Variants in HEPH observed in about 807,000 individuals in gnomAD.
The protein encoded by HEPH is hephaestin.
HEPH carries 69 observed loss-of-function variants against 80.8 expected under a neutral mutation model. That is an observed-to-expected ratio of 0.85 (90% CI 0.70 to 1.04). HEPH has a LOEUF of 1.04. Among genes scored for constraint, HEPH ranks in the 50% least tolerant of loss-of-function variants. The pLI, the probability that HEPH is intolerant of heterozygous loss-of-function variation, is 0.00. For synonymous variants in HEPH, 431 were observed against 322.8 expected (o/e 1.34, Z -3.60); for missense variants, 1,115 against 891.3 (o/e 1.25, Z -3.20).
intron 11 of HEPH, 24 bp downstream of exon 11, chrX:66,199,052 G>C (rs1433457186): frequency 8.4e-7 from 1 of 1,190,136 alleles, no homozygotes; most frequent in Non-Finnish European, 1.1e-6. Flanking sequence ...TTTTGCCCTG[G>C]GCTAAATTGA....
intron 15 of HEPH, among the ~76,000 whole-genome samples, chrX:66,252,470 C>T (rs1195400676): frequency 9.0e-6 from 1 of 111,048 alleles, no homozygotes; most frequent in Non-Finnish European, 1.9e-5. Flanking sequence ...TTTGCAGAAC[C>T]AGAAAGAGTA....
At chrX:66,216,739 G>T (rs1238711276) in intron 15 of HEPH, among the ~76,000 whole-genome samples, 1 of 111,735 alleles carries the variant, frequency 8.9e-6, no homozygotes, top group African/African-American at 3.3e-5. Flanking sequence ...ATGGCCAGAA[G>T]AAAAAATCAG....
Position 66,164,480 on chromosome X carries a change from C to T in HEPH, c.-14+10C>T, listed in dbSNP as rs2086277409. The T allele has an allele frequency of 1.3e-6, 1 of 750,768 alleles. No individual in the cohort carries two copies. The highest frequency in any genetic ancestry group is 1.6e-6 in the Non-Finnish European group (1 of 637,548). 61.9% of individuals were successfully genotyped at this position (750,768 alleles called of 1,213,427 possible). On this transcript the variant is annotated intron_variant, in intron 1 of 20. Transcript: ENST00000343002. ...GTTTTCTCTAGCAAAGGTAAGCTTT[C>T]TTTTCTCTCTTTTCAAACTCTACCT...
In HEPH at chrX:66,200,713, C is replaced by G; in HGVS notation, c.2038C>G (p.His680Asp). Residue 680 changes from histidine to aspartate, a missense_variant, in exon 12 of 21, where the codon CAT (histidine) becomes GAT (aspartate). This residue lies in a region of HEPH where 716 missense variants were observed against 523.5 expected (regional missense o/e 1.37). Transcript: ENST00000343002. ...GAAGGGTGCAGCTATGCTCTTTCCT[C>G]ATACCTTTGTCATGGCCATCATGCA... is the stretch of plus-strand genomic sequence containing the variant. Reference protein sequence around the residue: ...MRKGAAMLFPHTFVMAIMQPD... With the variant: ...MRKGAAMLFPDTFVMAIMQPD... The G allele has an allele frequency of 8.3e-7, 1 of 1,211,351 alleles. No individual in the cohort carries two copies. Among genetic ancestry groups the G allele is most frequent in the Non-Finnish European group, 1.1e-6 (1 of 895,389 alleles).
chrX:66,169,462 C>T (rs960865335), intron 1 of HEPH, among the ~76,000 whole-genome samples: 6 of 111,218 alleles, frequency 5.4e-5, no homozygotes, highest in South Asian at 3.8e-4. Context: ...CTGAGTGCTT[C>T]GTCCTAGTCC....
chrX:66,199,169 C>T, intron 11 of HEPH, 141 bp downstream of exon 11: 1 of 553,359 alleles, frequency 1.8e-6, no homozygotes, highest in Non-Finnish European at 2.9e-6. Flanking sequence ...AGAGGCTCAA[C>T]CGAACACAAC....
Position 66,230,720 on chromosome X carries a change from T to G in HEPH, c.2563+22474T>G, listed in dbSNP as rs1312850335. Reference sequence around the variant, plus strand: ...GGTTGCGAAAATTTTCTCCCATTTTTTAGGTTGCCTGTTCACTCTGATGGT... The same window carrying G: ...GGTTGCGAAAATTTTCTCCCATTTTGTAGGTTGCCTGTTCACTCTGATGGT... On this transcript the variant is annotated intron_variant, in intron 15 of 20. Transcript: ENST00000343002. Among the ~76,000 whole-genome samples, 69 of 105,050 alleles carry G rather than the reference T, an allele frequency of 6.6e-4. 1 individual carries two copies. Among genetic ancestry groups the G allele is most frequent in the South Asian group, 1.2e-3 (3 of 2,411 alleles). 91.2% of individuals were successfully genotyped at this position (105,050 alleles called of 115,157 possible).
At chrX:66,165,332 G>A (rs1245207617) in intron 1 of HEPH, among the ~76,000 whole-genome samples, 1 of 111,591 alleles carries the variant, frequency 9.0e-6, no homozygotes, top group Non-Finnish European at 1.9e-5. Flanking sequence ...ACTTCAAATC[G>A]GTATGTTTTC....
At chrX:66,236,386 C>G (rs914870130) in intron 15 of HEPH, among the ~76,000 whole-genome samples, 18 of 111,652 alleles carry the variant, frequency 1.6e-4, no homozygotes, top group Admixed American at 1.3e-3. Flanking sequence ...TGGTTTTTGT[C>G]TTTAGTTCTG....
chrX:66,253,316 C>G (rs1462881374), intron 15 of HEPH, among the ~76,000 whole-genome samples: 3 of 111,874 alleles, frequency 2.7e-5, no homozygotes, highest in Non-Finnish European at 3.8e-5. Flanking sequence ...AAACATTGCT[C>G]CCAAGAAGAT....
At chrX:66,247,067 T>C (rs2090839463) in intron 15 of HEPH, among the ~76,000 whole-genome samples, 1 of 112,040 alleles carries the variant, frequency 8.9e-6, no homozygotes, top group East Asian at 2.8e-4. Context: ...ATTTCTTTTC[T>C]GTGACAAATC....
At chrX:66,207,093 C>G (rs758842469) in intron 13 of HEPH, 102 bp from the exon 14 acceptor site, 46 of 537,519 alleles carry the variant, frequency 8.6e-5, no homozygotes, top group Non-Finnish European at 8.1e-5. Flanking sequence ...TTTTTTCTGT[C>G]TGTGACATGA....
chrX:66,266,506 A>G lies in HEPH; in HGVS notation c.3311A>G (p.Asn1104Ser). The G allele has an allele frequency of 8.3e-7, 1 of 1,209,422 alleles. No individual in the cohort carries two copies. The highest frequency in any genetic ancestry group is 1.1e-6 in the Non-Finnish European group (1 of 894,552). ...CTGGGCATGCAGATCCCCATAAAGA[A>G]TGTTGAGATGCTGGCCTCTGTTTTG... is the stretch of plus-strand genomic sequence containing the variant. ...KMLGMQIPIK[N>S]VEMLASVLVA... Residue 1104 changes from asparagine (N) to serine (S), a missense_variant, in exon 21 of 21, where the codon AAT becomes AGT. This residue lies in a region of HEPH where 716 missense variants were observed against 523.5 expected (regional missense o/e 1.37). Transcript: ENST00000343002.
At chrX:66,239,919 C>A (rs1189425221) in intron 15 of HEPH, among the ~76,000 whole-genome samples, 1 of 111,518 alleles carries the variant, frequency 9.0e-6, no homozygotes, top group African/African-American at 3.3e-5. Context: ...GTAAACACTG[C>A]CACTATTTTC....
At chrX:66,254,029 G>C (rs181649522) in intron 15 of HEPH, among the ~76,000 whole-genome samples, 32 of 111,231 alleles carry the variant, frequency 2.9e-4, no homozygotes, top group Admixed American at 2.8e-3. Flanking sequence ...TGGTTACAAA[G>C]TTCTGGTAAT....
In HEPH at chrX:66,246,472, G is replaced by A. The variant is rs1335887489; in HGVS notation, c.2564-8563G>A. Reference sequence around the variant, plus strand: ...CATGACTTTAGTCTTTATTGGGGCTGTGGTGTCAGTGCTGGTCTATTCTGT... The same window carrying A: ...CATGACTTTAGTCTTTATTGGGGCTATGGTGTCAGTGCTGGTCTATTCTGT... On this transcript the variant is annotated intron_variant, in intron 15 of 20. Coordinates refer to ENST00000343002, the MANE Select transcript of HEPH (RefSeq NM_001367233.3). 5.4e-5 allele frequency among the ~76,000 whole-genome samples: 6 copies of A among 111,306 alleles called. No individual in the cohort carries two copies. In the Admixed American group the frequency reaches 5.7e-4, roughly 11 times the overall value.
intron 15 of HEPH, among the ~76,000 whole-genome samples, chrX:66,217,194 T>C (rs941883943): frequency 9.0e-6 from 1 of 111,106 alleles, no homozygotes; most frequent in Non-Finnish European, 1.9e-5. Flanking sequence ...CTTGGGAAAT[T>C]CCTCTCAAAC....
intron 15 of HEPH, among the ~76,000 whole-genome samples, chrX:66,238,008 T>C (rs1035898539): frequency 8.9e-6 from 1 of 111,960 alleles, no homozygotes; most frequent in African/African-American, 3.3e-5. Flanking sequence ...CCTGTAGGTG[T>C]CACTGCATGT....
In HEPH at chrX:66,263,630, T is replaced by C. The variant is rs2091435071; in HGVS notation, c.3200-14T>C. The C allele has an allele frequency of 1.7e-6, 2 of 1,207,833 alleles. No individual in the cohort carries two copies. The highest frequency in any genetic ancestry group is 3.5e-5 in the African/African-American group (2 of 56,974). On this transcript the variant is annotated splice_polypyrimidine_tract_variant and intron_variant, in intron 19 of 20. Transcript: ENST00000343002. The stretch of plus-strand genomic sequence containing the variant: ...CAATAAGGCTAACCTCTTGTCTTTT[T>C]TCCCCCCAACCAGAACACTTAAGCC...
Sources: gnomAD v4.1 joint callset for allele counts (sites outside exome capture counted in the v4.1 genomes callset) on GRCh38, gnomAD v4.1.1 for gene constraint, gnomAD v4.1.1 regional missense constraint, MANE v1.5 for transcripts, NCBI Gene and HGNC (gene_info 2026-07-23, HGNC 2026-07-21) for gene names.